The following NLRP2 variants were observed in gnomAD, a reference collection of about 807,000 sequenced individuals.
The protein encoded by NLRP2 is NLR family pyrin domain containing 2.
In NLRP2, 107 loss-of-function variants were observed where a neutral mutation model predicts 97.2. That is an observed-to-expected ratio of 1.10 (90% confidence interval 0.94 to 1.29). NLRP2 has a LOEUF of 1.29. Among genes scored for constraint, NLRP2 ranks in the 50% most tolerant of loss-of-function variants. The pLI is 0.00. For missense variants in NLRP2, 1,495 were observed against 1,330.3 expected (o/e 1.12, Z -1.93); for synonymous variants, 663 against 551.5 (o/e 1.20, Z -2.83).
In NLRP2 at chr19:54,990,164, C is replaced by T. The variant is rs758302891; in HGVS notation, c.2509C>T (p.His837Tyr). 1.2e-6 allele frequency: 2 copies of T among 1,614,064 alleles called. No homozygotes were observed. The highest frequency in any genetic ancestry group is 1.3e-5 in the African/African-American group (1 of 74,924). ...TAAGTTGCTGTACACAACTTTGAGA[C>T]ACCCCAAGTGCTTTCTGCAGAGGTT... ...GAKLLYTTLR[H>Y]PKCFLQRLSL... is the part of the protein sequence containing the mutation. The change falls in exon 9 of 13, where the codon CAC (histidine) becomes TAC (tyrosine). Residue 837 changes from histidine (H) to tyrosine (Y), a missense_variant. By Grantham distance (83) the His-to-Tyr change is moderately conservative. Coordinates refer to ENST00000448584, the MANE Select transcript of NLRP2 (RefSeq NM_017852.5).
chr19:54,971,995 A>ATTTTTTTTTTTTT (rs61335843), intron 2 of NLRP2, among the ~76,000 whole-genome samples: 1 of 116,388 alleles, frequency 8.6e-6, no homozygotes, highest in Non-Finnish European at 1.7e-5. Context: ...TGCCTGGCTG[A>ATTTTTTTTTTTTT]TTTTTTTTTT....
chr19:54,998,844 C>T (rs1195633561), intron 12 of NLRP2, among the ~76,000 whole-genome samples: 2 of 150,734 alleles, frequency 1.3e-5, no homozygotes, highest in Non-Finnish European at 1.5e-5. Context: ...TCTTAACGAG[C>T]GTGCTGCCTT....
At chr19:54,975,641 A>C (rs1412604217) in intron 3 of NLRP2, among the ~76,000 whole-genome samples, 1 of 150,976 alleles carries the variant, frequency 6.6e-6, no homozygotes, top group African/African-American at 2.4e-5. Context: ...TTTAGTAGAG[A>C]CGGGGTTTCA....
intron 2 of NLRP2, among the ~76,000 whole-genome samples, chr19:54,973,206 A>T (rs2070980910): frequency 1.3e-5 from 2 of 151,740 alleles, no homozygotes; most frequent in African/African-American, 2.4e-5. Flanking sequence ...AAAAACAAAC[A>T]AACATGGTAT....
intron 11 of NLRP2, 27 bp downstream of exon 11, chr19:54,994,466 C>T (rs374919869): frequency 1.2e-6 from 2 of 1,609,042 alleles, no homozygotes; most frequent in Non-Finnish European, 8.5e-7. Context: ...GTTCAACTTC[C>T]TATACTTACA....
intron 3 of NLRP2, 66 bp from the exon 4 acceptor site, chr19:54,977,686 T>G: frequency 6.6e-7 from 1 of 1,504,038 alleles, no homozygotes. Context: ...GGGGTCCAAC[T>G]TGAGCCATCT....
chr19:54,984,329 GTTTT>G (rs200366059), intron 6 of NLRP2, among the ~76,000 whole-genome samples: 92 of 79,672 alleles, frequency 1.2e-3, no homozygotes, highest in African/African-American at 3.4e-3. Flanking sequence ...TTTTTTTTGT[GTTTT>G]TTTTTTTTTT....
chr19:54,968,093 T>C (rs915317300), intron 1 of NLRP2, among the ~76,000 whole-genome samples: 1 of 152,034 alleles, frequency 6.6e-6, no homozygotes, highest in African/African-American at 2.4e-5. Flanking sequence ...AATTTTCGTA[T>C]TTTTAGTCGA....
At chr19:54,973,764 G>A in intron 2 of NLRP2, 1 of 533,914 alleles carries the variant, frequency 1.9e-6, no homozygotes, top group Non-Finnish European at 3.7e-6. Flanking sequence ...CGAAGGTCTG[G>A]GCTCTGAAAA....
chr19:54,990,946 C>T, intron 10 of NLRP2: 1 of 495,728 alleles, frequency 2.0e-6, no homozygotes, highest in South Asian at 2.2e-5. Context: ...GAGATGGGAT[C>T]TCGCCGTGTT....
At chr19:54,968,492 ATTT>A (rs34532293) in intron 1 of NLRP2, among the ~76,000 whole-genome samples, 1 of 145,310 alleles carries the variant, frequency 6.9e-6, no homozygotes. Context: ...GCCCAGCACA[ATTT>A]TTTTTTTTTT....
chr19:54,975,060 C>G (rs2146369478), intron 3 of NLRP2, among the ~76,000 whole-genome samples: 1 of 147,494 alleles, frequency 6.8e-6, no homozygotes, highest in East Asian at 2.0e-4. Flanking sequence ...CTCAGCGTCC[C>G]AAAATGCTGG....
chr19:54,973,736 CAG>C (rs2071021572), intron 2 of NLRP2: 12 of 459,154 alleles, frequency 2.6e-5, no homozygotes, highest in South Asian at 1.8e-4. Context: ...GGAGGAAACC[CAG>C]AGAGTTGTAA....
chr19:54,988,830 T>G (rs1056429679), intron 8 of NLRP2, among the ~76,000 whole-genome samples: 2 of 152,066 alleles, frequency 1.3e-5, no homozygotes, highest in African/African-American at 4.8e-5. Flanking sequence ...TCATTTCTTA[T>G]GAATTTATTC....
intron 7 of NLRP2, 96 bp from the exon 8 acceptor site, chr19:54,986,055 G>C: frequency 1.2e-6 from 1 of 838,372 alleles, no homozygotes. Flanking sequence ...GGAAAAAATA[G>C]TTCCTAAAGT....
At chr19:54,994,067 T>TA in intron 10 of NLRP2, 1 of 657,546 alleles carries the variant, frequency 1.5e-6, no homozygotes, top group Non-Finnish European at 2.7e-6. Flanking sequence ...CGAGGTCCCT[T>TA]TTGCTCGCAG....
intron 11 of NLRP2, among the ~76,000 whole-genome samples, chr19:54,997,020 GC>G (rs896320850): frequency 7.2e-5 from 11 of 152,096 alleles, no homozygotes; most frequent in Non-Finnish European, 1.6e-4. Context: ...CGATTCTCCT[GC>G]CCCAGCCTCC....
Position 54,984,329 on chromosome 19 carries a change from G to GTGTTTTTT in NLRP2, c.2030+602_2030+603insGTTTTTTT. The stretch of plus-strand genomic sequence containing the variant: ...AACTTAAGTGGGGGTTTTTTTTTGT[G>GTGTTTTTT]TTTTTTTTTTTTTTTTTTTTTTTGG... On this transcript the variant is annotated intron_variant, in intron 6 of 12. Transcript: ENST00000448584. Among the ~76,000 whole-genome samples, 23 of 79,676 alleles carry GTGTTTTTT rather than the reference G, an allele frequency of 2.9e-4. 1 individual carries two copies. Among genetic ancestry groups the GTGTTTTTT allele is most frequent in the African/African-American group, 1.0e-3 (22 of 21,642 alleles). The allele number at this position is 79,676 out of a possible 152,430, so 52.3% of individuals were successfully genotyped here.
rs2071700997 is a variant in NLRP2 at position 54,982,870 on chromosome 19, T to C, written c.1172T>C (p.Leu391Pro). 1 of 1,613,012 alleles carries C rather than the reference T, an allele frequency of 6.2e-7. No homozygotes were observed. Among genetic ancestry groups the C allele is most frequent in the African/African-American group, 1.3e-5 (1 of 74,910 alleles). Residue 391 changes from leucine (L) to proline (P), a missense_variant, in exon 6 of 13, where the codon CTG becomes CCG. By Grantham distance (98) the Leu-to-Pro change is moderately conservative. Transcript: ENST00000448584. ...GAGCTAATGAGGAGCAACGCGGCCC[T>C]GTTCCAGCTGGGCTCGGCCCCCGCG... ...AFELMRSNAALFQLGSAPAVC... is the reference protein window; with the variant it reads ...AFELMRSNAAPFQLGSAPAVC...
Sources: allele counts gnomAD v4.1 joint callset (sites outside exome capture counted in the v4.1 genomes callset), GRCh38; gene constraint gnomAD v4.1.1; transcripts MANE v1.5; gene names NCBI Gene and HGNC (gene_info 2026-07-23, HGNC 2026-07-21).